GLT6D1: variants seen among roughly 807,000 people sequenced by gnomAD.
GLT6D1 encodes the protein glycosyltransferase 6 domain containing 1.
In GLT6D1, 9 loss-of-function variants were observed where a neutral mutation model predicts 12.3. That is an observed-to-expected ratio of 0.73 (90% CI 0.44 to 1.27). The LOEUF is 1.27. Among genes scored for constraint, GLT6D1 ranks in the 50% most tolerant of loss-of-function variants. GLT6D1 has a pLI of 0.00. For synonymous variants in GLT6D1, 128 were observed against 132.3 expected (o/e 0.97, Z 0.23); for missense variants, 335 against 346.2 (o/e 0.97, Z 0.26).
intron 2 of GLT6D1, among the ~76,000 whole-genome samples, chr9:135,636,821 T>C (rs1027890526): frequency 6.6e-5 from 10 of 152,182 alleles, no homozygotes; most frequent in African/African-American, 1.9e-4. Flanking sequence ...GGTTCCTCCA[T>C]GTCTTCTAAC....
chr9:135,640,443 G>A (rs1833869913), upstream of GLT6D1, among the ~76,000 whole-genome samples: 2 of 152,024 alleles, frequency 1.3e-5, no homozygotes, highest in Non-Finnish European at 2.9e-5. Flanking sequence ...CTCACAGGCT[G>A]GGCGTGGTGG....
chr9:135,636,094 C>A (rs1176481698), intron 2 of GLT6D1, among the ~76,000 whole-genome samples: 1 of 152,208 alleles, frequency 6.6e-6, no homozygotes, highest in Non-Finnish European at 1.5e-5. Flanking sequence ...GTGGCTCACA[C>A]CTGTAATCCC....
Position 135,639,485 on chromosome 9 carries a change from G to C in GLT6D1, c.-199C>G. ...AAACGCAATAAATCTCTCCACTGCAGGGCTGTGCAAATAGAATGAGGTCTT... is the reference window on the plus strand; with the variant it reads ...AAACGCAATAAATCTCTCCACTGCACGGCTGTGCAAATAGAATGAGGTCTT... On this transcript the variant is annotated 5_prime_UTR_variant, in exon 1 of 5. Coordinates refer to ENST00000371763, the MANE Select transcript of GLT6D1 (RefSeq NM_182974.3). 1 of 224,152 alleles carries C rather than the reference G, an allele frequency of 4.5e-6. No homozygotes were observed. Among genetic ancestry groups the C allele is most frequent in the Non-Finnish European group, 8.7e-6 (1 of 114,806 alleles). The allele number at this position is 224,152 out of a possible 1,614,324, so 13.9% of individuals were successfully genotyped here. A position where few individuals can be genotyped will look rare whatever the true frequency, so the allele number is the denominator to read the frequency against.
chr9:135,628,464 T>G (rs540787590), intron 3 of GLT6D1, among the ~76,000 whole-genome samples: 95 of 152,196 alleles, frequency 6.2e-4, no homozygotes, highest in African/African-American at 2.2e-3. Context: ...AATCCTTTTT[T>G]ATATGTTGCT....
Position 135,624,730 on chromosome 9 carries a change from T to TC in GLT6D1, c.258-61_258-60insG, listed in dbSNP as rs1833460879. ...TCTCTTTTTTCTTTTCTTTCTTTTTTTTTTTTTTTTTTTTTTTGAGATGGA... is the reference window on the plus strand; with the variant it reads ...TCTCTTTTTTCTTTTCTTTCTTTTTTCTTTTTTTTTTTTTTTTTGAGATGGA... On this transcript the variant is annotated intron_variant, in intron 4 of 4. Coordinates refer to ENST00000371763, the MANE Select transcript of GLT6D1 (RefSeq NM_182974.3). 9.5e-6 allele frequency: 6 copies of TC among 632,370 alleles called. No individual in the cohort carries two copies. In the Admixed American group the frequency reaches 1.7e-4, roughly 18 times the overall value. 39.2% of individuals were successfully genotyped at this position (632,370 alleles called of 1,614,324 possible).
intron 4 of GLT6D1, among the ~76,000 whole-genome samples, chr9:135,625,722 A>C (rs991472846): frequency 2.2e-4 from 33 of 152,296 alleles, no homozygotes; most frequent in African/African-American, 5.5e-4. Context: ...AACAACAAAT[A>C]GGCGACGTCT....
At chr9:135,634,440 TC>T (rs1833718673) in intron 2 of GLT6D1, among the ~76,000 whole-genome samples, 5 of 109,910 alleles carry the variant, frequency 4.5e-5, no homozygotes, top group South Asian at 3.1e-4. Flanking sequence ...GTTTTTCCTT[TC>T]CTTTTTTTTT....
chr9:135,640,026 T>C (rs1469609972), upstream of GLT6D1, among the ~76,000 whole-genome samples: 1 of 152,144 alleles, frequency 6.6e-6, no homozygotes, highest in Non-Finnish European at 1.5e-5. Context: ...TTGGCCAGGC[T>C]GGTCTCAAAC....
chr9:135,638,803 T>A (rs995863846), intron 2 of GLT6D1, among the ~76,000 whole-genome samples: 1 of 152,238 alleles, frequency 6.6e-6, no homozygotes, highest in African/African-American at 2.4e-5. Context: ...GTAGTATTGA[T>A]ATCTTTGGAC....
intron 3 of GLT6D1, among the ~76,000 whole-genome samples, chr9:135,629,887 G>C (rs1833599368): frequency 1.3e-5 from 2 of 152,030 alleles, no homozygotes; most frequent in African/African-American, 4.8e-5. Flanking sequence ...TATTTTGTCT[G>C]ATATTTGTAT....
rs1833669997 is a variant in GLT6D1, at chr9:135,632,417, A to T, written c.72-939T>A. On this transcript the variant is annotated intron_variant, in intron 2 of 4. Transcript: ENST00000371763. ...GTCCGTCCCCCTTTCTGGCATTATC[A>T]TGAGTATCCTTAGCCACAGACATTC... 2.0e-5 allele frequency among the ~76,000 whole-genome samples: 3 copies of T among 152,162 alleles called. No individual in the cohort carries two copies. The South Asian group carries it at 6.2e-4, about 32-fold the overall frequency.
At chr9:135,625,347 G>C (rs1229425849) in intron 4 of GLT6D1, among the ~76,000 whole-genome samples, 1 of 152,152 alleles carries the variant, frequency 6.6e-6, no homozygotes, top group Non-Finnish European at 1.5e-5. Flanking sequence ...GTACAGGACA[G>C]CCAGAAATTG....
In GLT6D1 at chr9:135,633,418, G is replaced by T. The variant is rs140584876; in HGVS notation, c.72-1940C>A. Reference sequence around the variant, plus strand: ...GTGCCCACTGCCACGCCTGGCTAATGTTTTTTTAATATTTTTTATTTTTGT... The same window carrying T: ...GTGCCCACTGCCACGCCTGGCTAATTTTTTTTTAATATTTTTTATTTTTGT... On this transcript the variant is annotated intron_variant, in intron 2 of 4. Coordinates refer to ENST00000371763, the MANE Select transcript of GLT6D1 (RefSeq NM_182974.3). 5.6e-3 allele frequency among the ~76,000 whole-genome samples: 855 copies of T among 151,792 alleles called. 8 individuals carry two copies. Among genetic ancestry groups the T allele is most frequent in the African/African-American group, 0.015 (610 of 41,328 alleles).
chr9:135,635,923 AT>A (rs1347708017), intron 2 of GLT6D1, among the ~76,000 whole-genome samples: 3 of 152,178 alleles, frequency 2.0e-5, no homozygotes, highest in Admixed American at 1.3e-4. Flanking sequence ...TGCCTCATCC[AT>A]TTATTTAATT....
At chr9:135,628,711 G>T (rs1833572215) in intron 3 of GLT6D1, among the ~76,000 whole-genome samples, 1 of 151,906 alleles carries the variant, frequency 6.6e-6, no homozygotes, top group Admixed American at 6.6e-5. Flanking sequence ...GTATTTCTAG[G>T]CTTTTCTTTG....
chr9:135,629,087 T>C (rs540846979), intron 3 of GLT6D1, among the ~76,000 whole-genome samples: 1 of 152,218 alleles, frequency 6.6e-6, no homozygotes, highest in South Asian at 2.1e-4. Context: ...TGTGCTTGCT[T>C]TAGTTTTATT....
At chr9:135,634,374 C>T (rs1339315048) in intron 2 of GLT6D1, among the ~76,000 whole-genome samples, 5 of 151,712 alleles carry the variant, frequency 3.3e-5, no homozygotes, top group South Asian at 2.1e-4. Flanking sequence ...GTGATCCGCC[C>T]GCCTCTGCCT....
At chr9:135,631,506 T>A (rs781710077) in intron 2 of GLT6D1, 28 bp from the exon 3 acceptor site, 3 of 1,552,308 alleles carry the variant, frequency 1.9e-6, no homozygotes, top group South Asian at 1.1e-5. Flanking sequence ...ATCAAGTGAT[T>A]GCAAGGAGCC....
intron 3 of GLT6D1, among the ~76,000 whole-genome samples, chr9:135,630,914 CT>C (rs1339500972): frequency 2.6e-5 from 4 of 151,576 alleles, no homozygotes; most frequent in Admixed American, 6.6e-5. Flanking sequence ...TTTTAAATGT[CT>C]GCATTCTTTG....
Sources: allele counts gnomAD v4.1 joint callset (sites outside exome capture counted in the v4.1 genomes callset), GRCh38; gene constraint gnomAD v4.1.1; transcripts MANE v1.5; gene names NCBI Gene and HGNC (gene_info 2026-07-23, HGNC 2026-07-21).